The following RDX variants were observed in gnomAD, a reference collection of about 807,000 sequenced individuals.
The protein encoded by RDX is deafness, autosomal recessive 24.
A neutral mutation model predicts 83.7 loss-of-function variants in RDX; 32 were observed. That is an observed-to-expected ratio of 0.38 (90% CI 0.29 to 0.51). The LOEUF is 0.51. Among genes scored for constraint, RDX ranks in the 20% least tolerant of loss-of-function variants. The pLI, the probability that RDX is intolerant of heterozygous loss-of-function variation, is 0.87. For synonymous variants in RDX, 229 were observed against 222.7 expected (o/e 1.03, Z -0.25); for missense variants, 600 against 689.9 (o/e 0.87, Z 1.46).
At chr11:110,179,829 A>G (rs1165640017) in intron 15 of RDX, 4 of 403,314 alleles carry the variant, frequency 9.9e-6, no homozygotes, top group South Asian at 7.5e-5. Context: ...AGATCCAGCT[A>G]TGGAATGCCT....
chr11:110,222,187 C>G (rs1864273292), intron 14 of RDX, among the ~76,000 whole-genome samples: 2 of 152,106 alleles, frequency 1.3e-5, no homozygotes, highest in African/African-American at 4.8e-5. Flanking sequence ...CAACATTTTC[C>G]TATCTGTATA....
chr11:110,276,229 A>G (rs1047438304), intron 2 of RDX, among the ~76,000 whole-genome samples: 13 of 152,210 alleles, frequency 8.5e-5, no homozygotes, highest in African/African-American at 2.9e-4. Context: ...CTCCATATGA[A>G]TGAAAATAAT....
chr11:110,220,648 GCCA>G (rs1358173854), intron 14 of RDX, among the ~76,000 whole-genome samples: 1 of 152,076 alleles, frequency 6.6e-6, no homozygotes, highest in East Asian at 1.9e-4. Flanking sequence ...ATAAGCAGCT[GCCA>G]CCACATTTGG....
chr11:110,284,033 A>G (rs1860876223), intron 1 of RDX, among the ~76,000 whole-genome samples: 1 of 152,244 alleles, frequency 6.6e-6, no homozygotes, highest in Admixed American at 6.5e-5. Context: ...CTACTGATTA[A>G]AACTACAAAT....
intron 10 of RDX, among the ~76,000 whole-genome samples, chr11:110,241,037 CAG>C (rs985060341): frequency 3.0e-5 from 3 of 100,030 alleles, no homozygotes; most frequent in African/African-American, 1.2e-4. Flanking sequence ...GCCTGGGCGA[CAG>C]AGTGAGACTC....
At chr11:110,176,059 C>T (rs1327888096) in intron 15 of RDX, among the ~76,000 whole-genome samples, 2 of 151,492 alleles carry the variant, frequency 1.3e-5, no homozygotes, top group African/African-American at 2.4e-5. Context: ...GGCGCACCAG[C>T]ACCAGCCTTT....
intron 2 of RDX, among the ~76,000 whole-genome samples, chr11:110,275,435 T>A (rs1860473110): frequency 6.6e-6 from 1 of 152,198 alleles, no homozygotes; most frequent in Non-Finnish European, 1.5e-5. Flanking sequence ...CCTATAAAAC[T>A]GTGGGATAAT....
chr11:110,282,294 G>A (rs1044664201), intron 1 of RDX, among the ~76,000 whole-genome samples: 2 of 152,082 alleles, frequency 1.3e-5, no homozygotes, highest in African/African-American at 4.8e-5. Context: ...AATCACTAAA[G>A]GTTTTATCCT....
intron 15 of RDX, among the ~76,000 whole-genome samples, chr11:110,187,760 G>T (rs1422078485): frequency 6.6e-6 from 1 of 152,196 alleles, no homozygotes; most frequent in African/African-American, 2.4e-5. Context: ...CACCCATCTT[G>T]GTCTCCCCTT....
intron 14 of RDX, among the ~76,000 whole-genome samples, chr11:110,220,053 A>G (rs907870277): frequency 7.9e-5 from 12 of 152,176 alleles, no homozygotes; most frequent in African/African-American, 2.9e-4. Flanking sequence ...AGAAAACCAT[A>G]AACTATTTAC....
At chr11:110,228,853 A>G (rs1864516966), downstream of RDX, among the ~76,000 whole-genome samples, 1 of 151,964 alleles carries the variant, frequency 6.6e-6, no homozygotes, top group Non-Finnish European at 1.5e-5. Context: ...ATTTTCTGAC[A>G]GGATCAGAGT....
intron 14 of RDX, among the ~76,000 whole-genome samples, chr11:110,203,138 G>T (rs11213312): frequency 0.04 from 6,119 of 152,208 alleles, 416 homozygotes; most frequent in African/African-American, 0.14. Flanking sequence ...AATGGATAAA[G>T]AAAATGTGGT....
At chr11:110,289,155 T>C (rs1274773993) in intron 1 of RDX, among the ~76,000 whole-genome samples, 7 of 151,276 alleles carry the variant, frequency 4.6e-5, no homozygotes, top group South Asian at 2.1e-4. Context: ...GGAGAATCAC[T>C]TGAACCTGGG....
intron 12 of RDX, among the ~76,000 whole-genome samples, chr11:110,235,276 G>A (rs1206928791): frequency 1.3e-5 from 2 of 152,126 alleles, no homozygotes; most frequent in African/African-American, 4.8e-5. Flanking sequence ...GGAGTTCAAA[G>A]CTGCAATGAA....
At chr11:110,215,888 C>A (rs545606650) in intron 14 of RDX, among the ~76,000 whole-genome samples, 3 of 152,316 alleles carry the variant, frequency 2.0e-5, no homozygotes, top group Middle Eastern at 3.4e-3. Flanking sequence ...TTTATGATGT[C>A]TTTGTGTGGA....
At chr11:110,234,337 A>G (rs1231532111) in intron 12 of RDX, among the ~76,000 whole-genome samples, 2 of 152,208 alleles carry the variant, frequency 1.3e-5, no homozygotes, top group Non-Finnish European at 1.5e-5. Flanking sequence ...CCTCCATTAA[A>G]AGAGACTTAC....
intron 2 of RDX, among the ~76,000 whole-genome samples, chr11:110,277,366 T>A (rs1043601398): frequency 6.6e-6 from 1 of 152,156 alleles, no homozygotes; most frequent in African/African-American, 2.4e-5. Context: ...GTCACCCAGG[T>A]TGAAGTGCAG....
At chr11:110,253,156 G>A (rs1859406613) in intron 9 of RDX, among the ~76,000 whole-genome samples, 1 of 152,096 alleles carries the variant, frequency 6.6e-6, no homozygotes, top group Non-Finnish European at 1.5e-5. Flanking sequence ...ATGGTATCTA[G>A]CAGATGGCTT....
At chr11:110,199,318 T>G (rs1340720874) in intron 15 of RDX, among the ~76,000 whole-genome samples, 4 of 152,028 alleles carry the variant, frequency 2.6e-5, no homozygotes, top group Non-Finnish European at 2.9e-5. Context: ...CACCTCAAAA[T>G]TATTAAATTG....
Sources: allele counts gnomAD v4.1 joint callset (sites outside exome capture counted in the v4.1 genomes callset), GRCh38; gene constraint gnomAD v4.1.1; transcripts MANE v1.5; gene names NCBI Gene and HGNC (gene_info 2026-07-23, HGNC 2026-07-21).